RARB: variants seen among roughly 807,000 people sequenced by gnomAD.
RARB encodes the protein retinoic acid receptor beta, also known as HBV-activated protein.
In RARB, 17 loss-of-function variants were observed where a neutral mutation model predicts 51.9. The observed-to-expected ratio is 0.33, with a 90% CI of 0.22 to 0.49. The LOEUF (loss-of-function observed/expected upper bound fraction) is 0.49, where lower values mean the gene tolerates loss of function less well. Among genes scored for constraint, RARB ranks in the 20% least tolerant of loss-of-function variants. The probability of loss-of-function intolerance (pLI) is 0.99; values close to 1 mark genes in which losing one functional copy is unlikely to be tolerated. For synonymous variants in RARB, 215 were observed against 195.4 expected, an observed-to-expected ratio of 1.10 and a Z score of -0.84; for missense variants, 369 against 550.8, an observed-to-expected ratio of 0.67 and a Z score of 3.30.
intron 3 of RARB, among the ~76,000 whole-genome samples, chr3:25,518,359 A>G (rs1370899926): frequency 6.6e-6 from 1 of 152,164 alleles, no homozygotes; most frequent in African/African-American, 2.4e-5. Flanking sequence ...TGTTGTTCAG[A>G]AGAATCACAG....
intron 2 of RARB, among the ~76,000 whole-genome samples, chr3:24,868,603 C>A (rs1702892787): frequency 6.6e-6 from 1 of 152,044 alleles, no homozygotes; most frequent in Non-Finnish European, 1.5e-5. Context: ...GTTGGACTTG[C>A]CTCATTATAT....
chr3:25,491,259 C>T (rs1696721048), intron 2 of RARB, among the ~76,000 whole-genome samples: 1 of 152,118 alleles, frequency 6.6e-6, no homozygotes, highest in Admixed American at 6.5e-5. Context: ...CTTTTGGCTT[C>T]TCCCACTCCC....
intron 2 of RARB, among the ~76,000 whole-genome samples, chr3:25,007,592 C>CAAAAAAAAAAAAACAAA (rs759589176): frequency 2.2e-5 from 1 of 45,408 alleles, no homozygotes; most frequent in Non-Finnish European, 3.7e-5. Flanking sequence ...GAGACTGTCT[C>CAAAAAAAAAAAAACAAA]AAAAAAAAAA....
At chr3:25,099,484 G>GA (rs1295105804) in intron 3 of RARB, among the ~76,000 whole-genome samples, 1 of 151,966 alleles carries the variant, frequency 6.6e-6, no homozygotes, top group Non-Finnish European at 1.5e-5. Flanking sequence ...AAGTTCATCT[G>GA]AAAAATACCA....
intron 2 of RARB, among the ~76,000 whole-genome samples, chr3:24,893,845 G>A (rs1168821372): frequency 6.6e-6 from 1 of 152,118 alleles, no homozygotes; most frequent in Admixed American, 6.6e-5. Context: ...TTTTATGGAT[G>A]TAATCATGTG....
intron 2 of RARB, among the ~76,000 whole-genome samples, chr3:24,972,187 C>G (rs965825201): frequency 6.6e-6 from 1 of 151,918 alleles, no homozygotes; most frequent in Non-Finnish European, 1.5e-5. Context: ...CCAACCTACT[C>G]TCTTTTCATG....
At chr3:25,546,992 G>C (rs1344298912) in intron 3 of RARB, among the ~76,000 whole-genome samples, 2 of 152,074 alleles carry the variant, frequency 1.3e-5, no homozygotes, top group Non-Finnish European at 2.9e-5. Context: ...TGGAGGATGG[G>C]GCTTACAGGT....
At chr3:24,925,724 C>A (rs1048927192) in intron 2 of RARB, among the ~76,000 whole-genome samples, 1 of 149,974 alleles carries the variant, frequency 6.7e-6, no homozygotes, top group African/African-American at 2.5e-5. Flanking sequence ...TGAAATGCGG[C>A]AAGCTATTAA....
At chr3:25,159,320 C>A (rs1390108977) in intron 4 of RARB, among the ~76,000 whole-genome samples, 1 of 151,690 alleles carries the variant, frequency 6.6e-6, no homozygotes, top group African/African-American at 2.4e-5. Flanking sequence ...CAAGTATGCA[C>A]CACCACACCT....
chr3:25,090,877 G>T (rs1699186275), intron 3 of RARB, among the ~76,000 whole-genome samples: 1 of 152,136 alleles, frequency 6.6e-6, no homozygotes, highest in Non-Finnish European at 1.5e-5. Context: ...GGGGGAAAGA[G>T]ATGGTTTCCT....
At chr3:25,334,014 A>G (rs1704984198) in intron 5 of RARB, among the ~76,000 whole-genome samples, 1 of 152,240 alleles carries the variant, frequency 6.6e-6, no homozygotes, top group Admixed American at 6.5e-5. Flanking sequence ...CAATCATTAA[A>G]AAGTCAGGGA....
At chr3:25,240,127 T>A (rs1321040270) in intron 5 of RARB, among the ~76,000 whole-genome samples, 2 of 152,072 alleles carry the variant, frequency 1.3e-5, no homozygotes. Context: ...CTTGATTTCA[T>A]TCTCGGTTAG....
intron 5 of RARB, chr3:25,352,180 A>G (rs13093379): frequency 6.6e-6 from 1 of 152,060 alleles, no homozygotes; most frequent in East Asian, 1.9e-4. Flanking sequence ...GACTGTGAAC[A>G]CAGTTCCCTT....
Position 25,591,621 on chromosome 3 carries a change from T to C in RARB, c.787-1882T>C, listed in dbSNP as rs375141684. Among the ~76,000 whole-genome samples, 11 of 152,312 alleles carry C rather than the reference T, an allele frequency of 7.2e-5. No homozygotes were observed. In the East Asian group the frequency reaches 1.9e-3, roughly 27 times the overall value. ...CTAATAGTAACAATTCATGGGTTGA[T>C]AGGAGAAATAATATACTAGTGTTTA... On this transcript the variant is annotated intron_variant, in intron 5 of 7. Transcript: ENST00000330688.
At chr3:25,592,011 GTC>G (rs1321519058) in intron 5 of RARB, among the ~76,000 whole-genome samples, 5 of 152,326 alleles carry the variant, frequency 3.3e-5, no homozygotes, top group South Asian at 2.1e-4. Flanking sequence ...AGATAGGACT[GTC>G]TTCCCCATGG....
At chr3:25,489,405 C>T (rs1054379524) in intron 2 of RARB, among the ~76,000 whole-genome samples, 4 of 152,110 alleles carry the variant, frequency 2.6e-5, no homozygotes, top group Non-Finnish European at 5.9e-5. Context: ...TCTTCCTTTC[C>T]TTGCATATAA....
intron 5 of RARB, among the ~76,000 whole-genome samples, chr3:25,586,109 TCGAGCCTCAGTCA>T (rs1193124174): frequency 8.5e-5 from 13 of 152,150 alleles, no homozygotes; most frequent in Non-Finnish European, 8.8e-5. Context: ...TGGCACTGCC[TCGAGCCTCAGTCA>T]AGCTCTTTCC....
chr3:25,140,731 C>T (rs1218127408), intron 4 of RARB, among the ~76,000 whole-genome samples: 1 of 152,086 alleles, frequency 6.6e-6, no homozygotes, highest in East Asian at 1.9e-4. Context: ...TTGCATGTTA[C>T]AGAGAAATCT....
chr3:24,840,179 G>C (rs147195975), intron 1 of RARB, among the ~76,000 whole-genome samples: 192 of 152,284 alleles, frequency 1.3e-3, no homozygotes, highest in African/African-American at 4.3e-3. Context: ...AAGTATTACT[G>C]CTATGGTTCT....
Sources: gnomAD v4.1 joint callset for allele counts (sites outside exome capture counted in the v4.1 genomes callset) on GRCh38, gnomAD v4.1.1 for gene constraint, MANE v1.5 for transcripts, NCBI Gene and HGNC (gene_info 2026-07-23, HGNC 2026-07-21) for gene names.